NUP107: variants seen among roughly 807,000 people sequenced by gnomAD.
The protein encoded by NUP107 is nuclear pore complex protein Nup107.
In NUP107, 101 loss-of-function variants were observed where a neutral mutation model predicts 141.0. The observed-to-expected ratio is 0.72, with a 90% CI of 0.61 to 0.84. NUP107 has a LOEUF of 0.84. NUP107 is among the 40% of genes least tolerant of loss of function. NUP107 has a pLI of 0.00. For missense variants in NUP107, 941 were observed against 1,102.7 expected (o/e 0.85, Z 2.08); for synonymous variants, 319 against 363.9 (o/e 0.88, Z 1.41).
Position 68,709,309 on chromosome 12 carries a change from G to T in NUP107, c.801G>T (p.Gln267His). ...GGGATTCACTTGTTCGACAAAGTCA[G>T]GTATGACTAGAATTTAAAATTTTTT... Reference protein sequence around the residue: ...FQRDSLVRQSQLVVDWLESIA... With the variant: ...FQRDSLVRQSHLVVDWLESIA... The change falls in exon 9 of 28, where the codon CAG becomes CAT. Residue 267 changes from glutamine to histidine, a missense_variant and splice_region_variant. By Grantham distance (24) the Gln-to-His change is conservative (BLOSUM62 0). Transcript: ENST00000229179. 2 of 1,577,616 alleles carry T rather than the reference G, an allele frequency of 1.3e-6. No homozygotes were observed. The highest frequency in any genetic ancestry group is 1.2e-5 in the South Asian group (1 of 84,358).
At chr12:68,723,564 C>G (rs566517274) in intron 17 of NUP107, among the ~76,000 whole-genome samples, 5 of 152,064 alleles carry the variant, frequency 3.3e-5, no homozygotes, top group Admixed American at 2.0e-4. Flanking sequence ...ACGTTGCACT[C>G]TAGCCTGAGC....
At chr12:68,722,372 ATATT>A (rs1377445844) in intron 17 of NUP107, among the ~76,000 whole-genome samples, 11 of 152,238 alleles carry the variant, frequency 7.2e-5, no homozygotes, top group South Asian at 2.1e-4. Flanking sequence ...CACGTAAGCT[ATATT>A]TATTCCTTTT....
At chr12:68,692,157 C>G (rs760314659) in intron 5 of NUP107, 45 bp downstream of exon 5, 1 of 1,516,660 alleles carries the variant, frequency 6.6e-7, no homozygotes, top group South Asian at 1.3e-5. Flanking sequence ...TTCACTTTAG[C>G]AAGATGAAGG....
intron 8 of NUP107, chr12:68,705,781 C>T: frequency 4.0e-6 from 3 of 749,876 alleles, no homozygotes; most frequent in Non-Finnish European, 7.4e-6. Context: ...CCGGGGTAGC[C>T]TGGGTGGAGA....
chr12:68,706,238 G>T, intron 8 of NUP107: 3 of 769,584 alleles, frequency 3.9e-6, no homozygotes. Flanking sequence ...GGATATGGAT[G>T]AAGCTTACAA....
chr12:68,732,310 A>G (rs1462634599), intron 22 of NUP107, among the ~76,000 whole-genome samples: 2 of 151,942 alleles, frequency 1.3e-5, no homozygotes, highest in South Asian at 2.1e-4. Context: ...AATTTTTTGT[A>G]TTCTTTGTAG....
chr12:68,715,755 C>T lies in NUP107; in HGVS notation c.1083+15C>T. On this transcript the variant is annotated intron_variant, in intron 12 of 27. Coordinates refer to ENST00000229179, the MANE Select transcript of NUP107 (RefSeq NM_020401.4). ...TGACAGAAGAGGTCAGTCATGTATA[C>T]CCTTCTTGTCTAATTTCAAAAAGTC... 6.8e-7 allele frequency: 1 copy of T among 1,471,862 alleles called. No individual in the cohort carries two copies. The highest frequency in any genetic ancestry group is 9.5e-7 in the Non-Finnish European group (1 of 1,057,684). The allele number at this position is 1,471,862 out of a possible 1,614,324, so 91.2% of individuals were successfully genotyped here.
intron 8 of NUP107, chr12:68,705,773 G>T: frequency 1.4e-6 from 1 of 739,738 alleles, no homozygotes. Flanking sequence ...AGCAGTTTCC[G>T]GGGTAGCCTG....
chr12:68,701,605 C>T (rs1008003154), intron 7 of NUP107, among the ~76,000 whole-genome samples: 1 of 151,792 alleles, frequency 6.6e-6, no homozygotes, highest in Admixed American at 6.6e-5. Flanking sequence ...TCGCTTGAAC[C>T]TCGGAGGCAG....
rs138858701 is a variant in NUP107 at position 68,733,189 on chromosome 12, C to T, written c.2102-263C>T. 1.3e-4 allele frequency among the ~76,000 whole-genome samples: 20 copies of T among 152,084 alleles called. No individual in the cohort carries two copies. In the East Asian group the frequency reaches 2.9e-3, roughly 22 times the overall value. On this transcript the variant is annotated intron_variant, in intron 23 of 27. Transcript: ENST00000229179. Reference sequence around the variant, plus strand: ...TTTTGCAAATAATCTCAAGGCTATCCGACTTTGAAAAATGAATTGCTTTAA... The same window carrying T: ...TTTTGCAAATAATCTCAAGGCTATCTGACTTTGAAAAATGAATTGCTTTAA...
intron 10 of NUP107, among the ~76,000 whole-genome samples, chr12:68,711,209 G>T (rs1484691201): frequency 3.3e-5 from 5 of 152,052 alleles, no homozygotes; most frequent in Non-Finnish European, 1.5e-5. Context: ...AAATTAGCCA[G>T]GCGTGGTGGC....
chr12:68,719,513 CT>C (rs970588960), intron 13 of NUP107, 64 bp from the exon 14 acceptor site: 17 of 1,558,896 alleles, frequency 1.1e-5, no homozygotes, highest in Non-Finnish European at 1.4e-5. Context: ...TATAGCTTCT[CT>C]TTTTAGAAAG....
intron 5 of NUP107, among the ~76,000 whole-genome samples, chr12:68,696,297 G>T (rs1876049526): frequency 6.6e-6 from 1 of 151,932 alleles, no homozygotes; most frequent in Non-Finnish European, 1.5e-5. Context: ...CCTGGGAGGT[G>T]GAGGTTGCAG....
In NUP107 at chr12:68,722,056, C is replaced by G. The variant is rs908134226; in HGVS notation, c.1458-48C>G. On this transcript the variant is annotated intron_variant, in intron 16 of 27. Coordinates refer to ENST00000229179, the MANE Select transcript of NUP107 (RefSeq NM_020401.4). ...CTCTTTGATGTTTCGTTTTACACCC[C>G]TTTTTCATATTATTAACATTATTCT... 7 of 1,610,248 alleles carry G rather than the reference C, an allele frequency of 4.3e-6. No homozygotes were observed. The African/African-American group carries it at 6.7e-5, about 15-fold the overall frequency.
rs146416539 is a variant in NUP107, at chr12:68,702,415, G to A, written c.681-321G>A. On this transcript the variant is annotated intron_variant, in intron 7 of 27. Transcript: ENST00000229179. Reference sequence around the variant, plus strand: ...GCTGAGATTACAAGCGTGACCCACCGTGCCCTGCCTAACTTTTTTTATTTT... The same window carrying A: ...GCTGAGATTACAAGCGTGACCCACCATGCCCTGCCTAACTTTTTTTATTTT... Among the ~76,000 whole-genome samples, 860 of 151,870 alleles carry A rather than the reference G, an allele frequency of 5.7e-3. 4 individuals are homozygous for A. Among genetic ancestry groups the A allele is most frequent in the Non-Finnish European group, 9.9e-3 (676 of 67,940 alleles).
chr12:68,728,509 C>G (rs945529943), intron 20 of NUP107, among the ~76,000 whole-genome samples: 1 of 150,272 alleles, frequency 6.7e-6, no homozygotes, highest in Admixed American at 6.6e-5. Flanking sequence ...CTGCAGCCTC[C>G]GCCTCCCAGG....
At chr12:68,714,020 G>A (rs1013820039) in intron 11 of NUP107, 2 of 488,596 alleles carry the variant, frequency 4.1e-6, no homozygotes, top group Non-Finnish European at 7.1e-6. Flanking sequence ...GTTGTGGAAA[G>A]TATACTTAAC....
rs544402803 is a variant in NUP107 at position 68,701,317 on chromosome 12, A to G, written c.680+464A>G. 1.8e-4 allele frequency among the ~76,000 whole-genome samples: 27 copies of G among 152,354 alleles called. No homozygotes were observed. In the South Asian group the frequency reaches 5.4e-3, roughly 30 times the overall value. ...TTTAAATCTCAAAAAATTAAAAACT[A>G]CTACTAAGGAATTGGCTAAATGAAT... On this transcript the variant is annotated intron_variant, in intron 7 of 27. Coordinates refer to ENST00000229179, the MANE Select transcript of NUP107 (RefSeq NM_020401.4).
At chr12:68,732,047 A>G (rs1877853296) in intron 22 of NUP107, among the ~76,000 whole-genome samples, 1 of 152,216 alleles carries the variant, frequency 6.6e-6, no homozygotes, top group Non-Finnish European at 1.5e-5. Context: ...TAAGAAAACT[A>G]TTTTAGAGTA....
Sources: gnomAD v4.1 joint callset for allele counts (sites outside exome capture counted in the v4.1 genomes callset) on GRCh38, gnomAD v4.1.1 for gene constraint, MANE v1.5 for transcripts, NCBI Gene and HGNC (gene_info 2026-07-23, HGNC 2026-07-21) for gene names.